TRIM54: variants seen among roughly 807,000 people sequenced by gnomAD.
TRIM54 encodes tripartite motif containing 54, also known as tripartite motif-containing protein 54.
Under a neutral mutation model 42.0 loss-of-function variants are expected in TRIM54, and 40 were observed. That is an observed-to-expected ratio of 0.95 (90% confidence interval 0.74 to 1.24). The LOEUF (loss-of-function observed/expected upper bound fraction) is 1.24. Among genes scored for constraint, TRIM54 ranks in the 50% most tolerant of loss-of-function variants. TRIM54 has a pLI of 0.00. For synonymous variants in TRIM54, 199 were observed against 194.9 expected (o/e 1.02, Z -0.17); for missense variants, 485 against 480.3 (o/e 1.01, Z -0.09).
At position 27,298,491 on chromosome 2, in the gene TRIM54, A is replaced by T; in HGVS notation, c.169-76A>T. 4 of 1,201,982 alleles carry T rather than the reference A, an allele frequency of 3.3e-6. No homozygotes were observed. In the South Asian group the frequency reaches 5.4e-5, roughly 16 times the overall value. The allele number at this position is 1,201,982 out of a possible 1,614,324, so 74.5% of individuals were successfully genotyped here. A position where few individuals can be genotyped will look rare whatever the true frequency, so the allele number is the denominator to read the frequency against. On this transcript the variant is annotated intron_variant, in intron 1 of 8. Coordinates refer to ENST00000380075, the MANE Select transcript of TRIM54 (RefSeq NM_187841.3). ...TCAAGTTCCTACTCCCTAGCCCCCA[A>T]GCCCTTTCCCCCTGCCTCCTCCGAG...
chr2:27,293,788 G>A (rs1295196737), intron 1 of TRIM54, among the ~76,000 whole-genome samples: 1 of 152,104 alleles, frequency 6.6e-6, no homozygotes, highest in South Asian at 2.1e-4. Flanking sequence ...TTGGGAGGCC[G>A]AGGTGGGTGG....
intron 1 of TRIM54, among the ~76,000 whole-genome samples, chr2:27,289,886 T>G (rs1315031966): frequency 7.0e-6 from 1 of 142,828 alleles, no homozygotes; most frequent in Admixed American, 6.9e-5. Context: ...TTTTTTTTTT[T>G]TTTGAGACAG....
chr2:27,282,741 A>G lies in TRIM54; in HGVS notation c.10A>G (p.Thr4Ala), dbSNP rs754426349. MNFTVGFKPLLGDA... is the reference protein window; with the variant it reads MNFAVGFKPLLGDA... Reference sequence around the variant, plus strand: ...CACGACCACCGAGGGGATGAACTTCACAGTGGGTTTCAAGCCGCTGCTAGG... The same window carrying G: ...CACGACCACCGAGGGGATGAACTTCGCAGTGGGTTTCAAGCCGCTGCTAGG... Residue 4 changes from threonine to alanine, a missense_variant, in exon 1 of 9, where the codon ACA (threonine) becomes GCA (alanine). Transcript: ENST00000380075. 5.0e-6 allele frequency: 8 copies of G among 1,612,060 alleles called. No individual in the cohort carries two copies. In the African/African-American group the frequency reaches 9.4e-5, roughly 19 times the overall value.
intron 1 of TRIM54, among the ~76,000 whole-genome samples, chr2:27,284,263 C>T (rs1233077800): frequency 1.3e-5 from 2 of 152,214 alleles, no homozygotes; most frequent in African/African-American, 4.8e-5. Flanking sequence ...ATGTGTTAAA[C>T]ACAAGTGATT....
intron 3 of TRIM54, among the ~76,000 whole-genome samples, chr2:27,301,721 GA>G (rs1679042582): frequency 6.6e-6 from 1 of 152,046 alleles, no homozygotes; most frequent in Non-Finnish European, 1.5e-5. Flanking sequence ...CTCATCCTAT[GA>G]CTTAGAATGC....
chr2:27,286,212 C>T (rs1213956460), intron 1 of TRIM54, among the ~76,000 whole-genome samples: 1 of 150,252 alleles, frequency 6.7e-6, no homozygotes, highest in Non-Finnish European at 1.5e-5. Flanking sequence ...CCAGACTGAT[C>T]TTGAACTCCT....
intron 1 of TRIM54, among the ~76,000 whole-genome samples, chr2:27,290,807 G>T (rs1392176877): frequency 1.3e-5 from 2 of 152,116 alleles, no homozygotes; most frequent in Admixed American, 1.3e-4. Context: ...CCTATATTGT[G>T]CTCCATTAAA....
intron 3 of TRIM54, among the ~76,000 whole-genome samples, chr2:27,301,882 G>A (rs1162059641): frequency 5.3e-5 from 8 of 152,122 alleles, no homozygotes; most frequent in Admixed American, 2.6e-4. Context: ...CAGGCCGGGC[G>A]GTGGCTCACA....
chr2:27,299,597 A>T (rs1172070817), intron 3 of TRIM54, 181 bp downstream of exon 3: 1 of 1,356,772 alleles, frequency 7.4e-7, no homozygotes, highest in Non-Finnish European at 1.0e-6. Context: ...TGCAGCCTTG[A>T]TCTCCCGAGC....
intron 1 of TRIM54, among the ~76,000 whole-genome samples, chr2:27,295,275 C>T (rs1359523396): frequency 6.6e-6 from 1 of 151,954 alleles, no homozygotes; most frequent in African/African-American, 2.4e-5. Context: ...CTGGAAAACC[C>T]ATGACACGAT....
intron 1 of TRIM54, among the ~76,000 whole-genome samples, chr2:27,284,199 G>A (rs1395851822): frequency 1.3e-5 from 2 of 152,190 alleles, no homozygotes; most frequent in African/African-American, 2.4e-5. Context: ...GTGTGTCAGT[G>A]ACATGGAACA....
At chr2:27,287,859 C>G (rs1311230053) in intron 1 of TRIM54, among the ~76,000 whole-genome samples, 2 of 152,212 alleles carry the variant, frequency 1.3e-5, no homozygotes, top group Non-Finnish European at 2.9e-5. Flanking sequence ...TCTTGCAATT[C>G]TAACGATTTG....
At chr2:27,300,568 A>ATTAGTAGTAGTAGTACTAATAATAATAT (rs1679004276) in intron 3 of TRIM54, among the ~76,000 whole-genome samples, 2 of 150,204 alleles carry the variant, frequency 1.3e-5, no homozygotes, top group South Asian at 2.1e-4. Context: ...AATAATATTT[A>ATTAGTAGTAGTAGTACTAATAATAATAT]TTAGTAGTAG....
chr2:27,302,740 G>A, intron 3 of TRIM54, among the ~76,000 whole-genome samples: 1 of 152,006 alleles, frequency 6.6e-6, no homozygotes, highest in East Asian at 2.0e-4. Flanking sequence ...ACAGTGAGCT[G>A]AGATTGCGCC....
intron 1 of TRIM54, among the ~76,000 whole-genome samples, chr2:27,297,528 C>T (rs1678898542): frequency 6.6e-6 from 1 of 152,232 alleles, no homozygotes; most frequent in South Asian, 2.1e-4. Context: ...ACCCCTATCA[C>T]AACACCCATC....
intron 3 of TRIM54, among the ~76,000 whole-genome samples, chr2:27,303,173 G>T (rs1455289130): frequency 5.3e-5 from 8 of 152,134 alleles, no homozygotes; most frequent in Admixed American, 3.9e-4. Flanking sequence ...GCAGCATTTC[G>T]CAGAGGACCA....
At chr2:27,301,337 A>G (rs1163047356) in intron 3 of TRIM54, among the ~76,000 whole-genome samples, 2 of 152,014 alleles carry the variant, frequency 1.3e-5, no homozygotes. Flanking sequence ...ACAGGGTTTC[A>G]CCATGTTGGC....
intron 1 of TRIM54, among the ~76,000 whole-genome samples, chr2:27,295,778 C>G (rs1164731056): frequency 1.3e-5 from 2 of 152,148 alleles, no homozygotes; most frequent in Non-Finnish European, 1.5e-5. Context: ...TGCTTGCCAT[C>G]AGCAAATCAA....
At chr2:27,292,311 C>G (rs564826267) in intron 1 of TRIM54, among the ~76,000 whole-genome samples, 1 of 152,162 alleles carries the variant, frequency 6.6e-6, no homozygotes, top group Non-Finnish European at 1.5e-5. Flanking sequence ...GGTCTCACCC[C>G]TGAAATTCCA....
Sources: gnomAD v4.1 joint callset for allele counts (sites outside exome capture counted in the v4.1 genomes callset) on GRCh38, gnomAD v4.1.1 for gene constraint, MANE v1.5 for transcripts, NCBI Gene and HGNC (gene_info 2026-07-23, HGNC 2026-07-21) for gene names.